Variants in NOX4 observed in about 807,000 individuals in gnomAD.
NOX4 encodes NADPH oxidase 4.
A neutral mutation model predicts 87.6 loss-of-function variants in NOX4; 69 were observed. That is an observed-to-expected ratio of 0.79 (90% CI 0.65 to 0.96). The LOEUF is 0.96. NOX4 is among the 40% of genes least tolerant of loss of function. The pLI is 0.00. For missense variants in NOX4, 680 were observed against 681.5 expected (o/e 1.00, Z 0.02); for synonymous variants, 275 against 238.2 (o/e 1.15, Z -1.42).
chr11:89,341,124 CTTT>C (rs994563200), intron 14 of NOX4, among the ~76,000 whole-genome samples: 1 of 123,946 alleles, frequency 8.1e-6, no homozygotes, highest in Admixed American at 8.3e-5. Context: ...ACAATTTCAC[CTTT>C]TTTTTTTTTT....
At chr11:89,576,393 T>A in the NOX4 span, among the ~76,000 whole-genome samples, 2 of 152,336 alleles carry the variant, frequency 1.3e-5, no homozygotes, top group South Asian at 2.1e-4. Context: ...TCCAATAAAT[T>A]ACTTTTTTCC....
chr11:89,579,624 C>T, the NOX4 span, among the ~76,000 whole-genome samples: 1 of 151,554 alleles, frequency 6.6e-6, no homozygotes. Context: ...GTGAACCTAC[C>T]TGTAAACTAA....
chr11:89,552,375 A>T, the NOX4 span, among the ~76,000 whole-genome samples: 1 of 152,134 alleles, frequency 6.6e-6, no homozygotes, highest in Admixed American at 6.6e-5. Flanking sequence ...ATTTTAATTT[A>T]GCCTTTGCAG....
At chr11:89,567,272 CA>C in the NOX4 span, among the ~76,000 whole-genome samples, 1 of 152,156 alleles carries the variant, frequency 6.6e-6, no homozygotes, top group East Asian at 1.9e-4. Context: ...TCTACCTAAC[CA>C]TCGGAGAGCT....
chr11:89,483,903 G>A (rs1472077693), intron 2 of NOX4, among the ~76,000 whole-genome samples: 1 of 151,982 alleles, frequency 6.6e-6, no homozygotes, highest in Non-Finnish European at 1.5e-5. Flanking sequence ...TATAAAACAA[G>A]AATACAAGTT....
chr11:89,370,897 T>G (rs1057038036), intron 12 of NOX4, among the ~76,000 whole-genome samples: 14 of 152,124 alleles, frequency 9.2e-5, no homozygotes, highest in African/African-American at 2.9e-4. Flanking sequence ...GAGAGATCAT[T>G]TCTGGAGCTA....
intron 6 of NOX4, among the ~76,000 whole-genome samples, chr11:89,436,741 G>C (rs2135331395): frequency 6.6e-6 from 1 of 152,058 alleles, no homozygotes; most frequent in Middle Eastern, 3.4e-3. Context: ...TAAAATTAAA[G>C]TTAGATATTA....
chr11:89,479,069 T>C (rs530342958), intron 2 of NOX4, among the ~76,000 whole-genome samples: 1 of 152,200 alleles, frequency 6.6e-6, no homozygotes, highest in Non-Finnish European at 1.5e-5. Context: ...AGTAATCTCA[T>C]CACCTTATCT....
At chr11:89,419,140 T>A (rs556779644) in intron 8 of NOX4, among the ~76,000 whole-genome samples, 5 of 152,220 alleles carry the variant, frequency 3.3e-5, no homozygotes, top group Non-Finnish European at 7.4e-5. Context: ...CTAGACATCA[T>A]GCAATATATT....
the NOX4 span, among the ~76,000 whole-genome samples, chr11:89,519,916 G>A: frequency 6.6e-6 from 1 of 152,040 alleles, no homozygotes; most frequent in East Asian, 1.9e-4. Flanking sequence ...TAACAACACA[G>A]ATAAGAAAGC....
chr11:89,357,310 T>C (rs1173725567), intron 12 of NOX4, among the ~76,000 whole-genome samples: 1 of 152,120 alleles, frequency 6.6e-6, no homozygotes, highest in East Asian at 1.9e-4. Context: ...CTCTGAAGTC[T>C]AGAAATCCAA....
At chr11:89,438,911 TAATATAAAA>T (rs2135346145) in intron 6 of NOX4, among the ~76,000 whole-genome samples, 1 of 58,440 alleles carries the variant, frequency 1.7e-5, no homozygotes, top group South Asian at 5.3e-4. Flanking sequence ...ATATAATATA[TAATATAAAA>T]TATATATAAT....
the NOX4 span, among the ~76,000 whole-genome samples, chr11:89,541,121 A>G: frequency 6.6e-6 from 1 of 152,138 alleles, no homozygotes; most frequent in Non-Finnish European, 1.5e-5. Context: ...AAATCCTCTT[A>G]AATTCTCTTT....
At position 89,460,441 on chromosome 11, in the gene NOX4, C is replaced by T. The variant is rs542911214; in HGVS notation, c.154-8546G>A. Among the ~76,000 whole-genome samples, 7 of 152,150 alleles carry T rather than the reference C, an allele frequency of 4.6e-5. No homozygotes were observed. In the South Asian group the frequency reaches 1.5e-3, roughly 32 times the overall value. ...ACAAAGGGCTAATATCCAGAATCTA[C>T]GATGAACTCAAACAAATTTACAAGA... On this transcript the variant is annotated intron_variant, in intron 2 of 17. Transcript: ENST00000263317.
intron 17 of NOX4, among the ~76,000 whole-genome samples, chr11:89,329,907 A>C (rs1356081535): frequency 6.6e-6 from 1 of 152,086 alleles, no homozygotes; most frequent in East Asian, 1.9e-4. Flanking sequence ...GTAGGAAAAT[A>C]AAATTAGATA....
chr11:89,524,317 C>T, the NOX4 span, among the ~76,000 whole-genome samples: 1 of 151,938 alleles, frequency 6.6e-6, no homozygotes, highest in Non-Finnish European at 1.5e-5. Flanking sequence ...AATTTAAGGC[C>T]TATCAAAGGA....
At chr11:89,433,391 T>C (rs953903271) in intron 6 of NOX4, among the ~76,000 whole-genome samples, 2 of 152,020 alleles carry the variant, frequency 1.3e-5, no homozygotes, top group Admixed American at 6.6e-5. Context: ...GGTACTTACT[T>C]CTAAAAGTAT....
At chr11:89,441,186 T>C (rs1237720493) in intron 5 of NOX4, among the ~76,000 whole-genome samples, 1 of 152,206 alleles carries the variant, frequency 6.6e-6, no homozygotes, top group African/African-American at 2.4e-5. Context: ...AGAAGACTAA[T>C]TGAGAGCTTT....
chr11:89,406,945 A>G (rs534480437), intron 8 of NOX4, among the ~76,000 whole-genome samples: 1 of 152,216 alleles, frequency 6.6e-6, no homozygotes, highest in South Asian at 2.1e-4. Flanking sequence ...GGATGTAGAG[A>G]TTCCAGGGGT....
Sources: gnomAD v4.1 joint callset for allele counts (sites outside exome capture counted in the v4.1 genomes callset) on GRCh38, gnomAD v4.1.1 for gene constraint, MANE v1.5 for transcripts, NCBI Gene and HGNC (gene_info 2026-07-23, HGNC 2026-07-21) for gene names.